Variants in ZRANB2 observed in about 807,000 individuals in gnomAD.
ZRANB2 encodes zinc finger Ran-binding domain-containing protein 2.
Under a neutral mutation model 53.4 loss-of-function variants are expected in ZRANB2, and 19 were observed. The observed-to-expected ratio is 0.36, with a 90% CI of 0.25 to 0.52. The LOEUF (loss-of-function observed/expected upper bound fraction) is 0.52, where lower values mean the gene tolerates loss of function less well. ZRANB2 is among the 20% of genes least tolerant of loss of function. ZRANB2 has a pLI of 0.93. For synonymous variants in ZRANB2, 145 were observed against 134.8 expected, an observed-to-expected ratio of 1.08 and a Z score of -0.52; for missense variants, 309 against 401.1, an observed-to-expected ratio of 0.77 and a Z score of 1.96.
intron 9 of ZRANB2, chr1:71,065,756 ATG>A (rs761334875): frequency 6.2e-7 from 1 of 1,612,526 alleles, no homozygotes; most frequent in South Asian, 1.1e-5. Flanking sequence ...CACCTGGCTT[ATG>A]GAATAGAGAA....
intron 8 of ZRANB2, among the ~76,000 whole-genome samples, chr1:71,068,718 G>C (rs1240521245): frequency 4.6e-5 from 7 of 151,788 alleles, no homozygotes; most frequent in South Asian, 2.1e-4. Flanking sequence ...TTTTGAGGCA[G>C]GGTTATTTTT....
In ZRANB2 at chr1:71,063,761, T is replaced by G. The variant is rs1661357899; in HGVS notation, c.*1313A>C. The G allele has an allele frequency of 6.6e-6, 1 of 152,408 alleles. No homozygotes were observed. The highest frequency in any genetic ancestry group is 2.4e-5 in the African/African-American group (1 of 41,436). The allele number at this position is 152,408 out of a possible 1,614,324, so 9.4% of individuals were successfully genotyped here. ...TCAGCTGAAGAGAAAAACATTCACTTTAAAGTAAAAACATATATTTTTGTT... is the reference window on the plus strand; with the variant it reads ...TCAGCTGAAGAGAAAAACATTCACTGTAAAGTAAAAACATATATTTTTGTT... On this transcript the variant is annotated 3_prime_UTR_variant, in exon 10 of 10. Coordinates refer to ENST00000370920, the MANE Select transcript of ZRANB2 (RefSeq NM_203350.3).
intron 9 of ZRANB2, chr1:71,065,887 T>C: frequency 7.4e-7 from 1 of 1,344,972 alleles, no homozygotes; most frequent in Non-Finnish European, 1.0e-6. Context: ...GAGTAATTTT[T>C]TTTACAAAGA....
At chr1:71,070,252 C>T (rs988328002) in intron 7 of ZRANB2, among the ~76,000 whole-genome samples, 3 of 125,534 alleles carry the variant, frequency 2.4e-5, no homozygotes, top group Non-Finnish European at 5.0e-5. Flanking sequence ...ACTATAAAAT[C>T]AGAGATTACA....
chr1:71,073,734 G>T (rs1029252113), intron 4 of ZRANB2, among the ~76,000 whole-genome samples: 1 of 151,968 alleles, frequency 6.6e-6, no homozygotes, highest in African/African-American at 2.4e-5. Context: ...AGTAAAATTA[G>T]AAAGTGAACT....
chr1:71,065,694 T>G, intron 9 of ZRANB2: 1 of 1,611,800 alleles, frequency 6.2e-7, no homozygotes, highest in Non-Finnish European at 8.5e-7. Context: ...AAAGTAGTGG[T>G]GTTCCGTAGG....
At chr1:71,071,891 C>T (rs1284490149) in intron 6 of ZRANB2, among the ~76,000 whole-genome samples, 1 of 152,176 alleles carries the variant, frequency 6.6e-6, no homozygotes, top group African/African-American at 2.4e-5. Flanking sequence ...ATTTCCTCCT[C>T]TAGAACTGTG....
At chr1:71,067,703 G>T (rs915738116) in intron 8 of ZRANB2, 1 of 426,682 alleles carries the variant, frequency 2.3e-6, no homozygotes, top group African/African-American at 2.2e-5. Flanking sequence ...GAATTCTTTG[G>T]AAAGTTACAA....
chr1:71,079,712 C>A (rs977309802), intron 1 of ZRANB2, among the ~76,000 whole-genome samples: 1 of 152,194 alleles, frequency 6.6e-6, no homozygotes, highest in Non-Finnish European at 1.5e-5. Flanking sequence ...AGTCCTACCT[C>A]TGGGTGTGCT....
In ZRANB2 at chr1:71,066,891, T is replaced by C. The variant is rs1209805327; in HGVS notation, c.814A>G (p.Arg272Gly). Reference protein sequence around the residue: ...SHRGSSSPRKRSYSSSSSSPE... With the variant: ...SHRGSSSPRKGSYSSSSSSPE... ...GAAGATGATGAACTTGAATAAGATC[T>C]TTTTCGTGGGGAAGAAGAGCCCCTG... Residue 272 changes from arginine to glycine, a missense_variant, in exon 9 of 10, where the codon AGA becomes GGA. Transcript: ENST00000370920. 1.9e-6 allele frequency: 3 copies of C among 1,602,982 alleles called. No homozygotes were observed. The highest frequency in any genetic ancestry group is 1.7e-6 in the Non-Finnish European group (2 of 1,175,224).
chr1:71,065,582 A>C lies in ZRANB2; in HGVS notation c.930-445T>G, dbSNP rs1394393589. 3.4e-6 allele frequency: 5 copies of C among 1,464,142 alleles called. No homozygotes were observed. The African/African-American group carries it at 7.1e-5, about 21-fold the overall frequency. The allele number at this position is 1,464,142 out of a possible 1,614,324, so 90.7% of individuals were successfully genotyped here. On this transcript the variant is annotated intron_variant, in intron 9 of 9. Transcript: ENST00000370920. ...CTTCTGTGTATGAGAAAATATACTC[A>C]TAAATAAGTTTTGGAAATCTAGGTC...
At chr1:71,069,446 T>C in intron 7 of ZRANB2, 84 bp from the exon 8 acceptor site, 2 of 927,896 alleles carry the variant, frequency 2.2e-6, no homozygotes, top group South Asian at 1.5e-5. Context: ...AGATATGTAT[T>C]AGAGTTCATT....
intron 4 of ZRANB2, among the ~76,000 whole-genome samples, chr1:71,075,016 A>G (rs907054935): frequency 2.6e-5 from 4 of 152,236 alleles, no homozygotes; most frequent in African/African-American, 9.6e-5. Context: ...ATCAAATAAA[A>G]TTTGCTTACT....
At chr1:71,080,881 A>G in intron 1 of ZRANB2, 59 bp downstream of exon 1, 2 of 1,583,648 alleles carry the variant, frequency 1.3e-6, no homozygotes, top group Non-Finnish European at 1.7e-6. Flanking sequence ...TGCCGGACGG[A>G]CCTCGGAAAG....
chr1:71,067,877 A>ATT lies in ZRANB2; in HGVS notation c.771-945_771-944dup, dbSNP rs142824635. On this transcript the variant is annotated intron_variant, in intron 8 of 9. Transcript: ENST00000370920. ...AAAAAATAATTTGCTCTCTACTTCTATTTTTTTTTTTTTTTTTGAGACAGG... is the reference window on the plus strand; with the variant it reads ...AAAAAATAATTTGCTCTCTACTTCTATTTTTTTTTTTTTTTTTTTGAGACAGG... Among the ~76,000 whole-genome samples, 178 of 138,082 alleles carry ATT rather than the reference A, an allele frequency of 1.3e-3. 1 individual carries two copies. Among genetic ancestry groups the ATT allele is most frequent in the South Asian group, 5.8e-3 (25 of 4,322 alleles). 90.6% of individuals were successfully genotyped at this position (138,082 alleles called of 152,430 possible). A position where few individuals can be genotyped will look rare whatever the true frequency, so the allele number is the denominator to read the frequency against.
At position 71,072,177 on chromosome 1, in the gene ZRANB2, ATTCT is replaced by A. The variant is rs1447926653; in HGVS notation, c.453_456del (p.Lys151AsnfsTer18). On this transcript the variant is annotated frameshift_variant, in exon 6 of 10. Transcript: ENST00000370920. LOFTEE classifies it high-confidence loss of function. ...TCCTCATCCTCTTCTTCTCCCTCTG[ATTCT>A]TTATCTTCAACTTCCTTTAATATAG... 6 of 1,612,116 alleles carry A rather than the reference ATTCT, an allele frequency of 3.7e-6. No homozygotes were observed. The highest frequency in any genetic ancestry group is 1.7e-5 in the Admixed American group (1 of 59,702).
chr1:71,070,975 C>G lies in ZRANB2; in HGVS notation c.535G>C (p.Asp179His). The G allele has an allele frequency of 6.3e-7, 1 of 1,593,036 alleles. No individual in the cohort carries two copies. The highest frequency in any genetic ancestry group is 8.5e-7 in the Non-Finnish European group (1 of 1,170,948). ...LDEDEDEDDA[D>H]LSKYNLDASE... Reference sequence around the variant, plus strand: ...GCATCAAGATTATATTTTGAGAGATCAGCGTCATCTTCATCCTCATCCTAA... The same window carrying G: ...GCATCAAGATTATATTTTGAGAGATGAGCGTCATCTTCATCCTCATCCTAA... Residue 179 changes from aspartate (D) to histidine (H), a missense_variant, in exon 7 of 10, where the codon GAT (aspartate) becomes CAT (histidine). Asp to His is a moderately conservative substitution (Grantham distance 81). This residue lies in a region of ZRANB2 where 211 missense variants were observed against 196.1 expected (regional missense o/e 1.08). Transcript: ENST00000370920.
intron 7 of ZRANB2, among the ~76,000 whole-genome samples, 161 bp downstream of exon 7, chr1:71,070,666 C>A (rs1194564433): frequency 2.6e-5 from 4 of 152,102 alleles, no homozygotes; most frequent in African/African-American, 9.7e-5. Context: ...TGGACAACAA[C>A]TGTATGGTAC....
chr1:71,069,499 C>G (rs543135841), intron 7 of ZRANB2, 137 bp from the exon 8 acceptor site: 13 of 491,270 alleles, frequency 2.6e-5, no homozygotes, highest in Admixed American at 4.0e-5. Context: ...ACTTTCAAAA[C>G]ATAGTATTTT....
Sources: allele counts gnomAD v4.1 joint callset (sites outside exome capture counted in the v4.1 genomes callset), GRCh38; gene constraint gnomAD v4.1.1; regional missense constraint gnomAD v4.1.1; transcripts MANE v1.5; gene names NCBI Gene and HGNC (gene_info 2026-07-23, HGNC 2026-07-21).